The following PARD3B variants were observed in gnomAD, a reference collection of about 807,000 sequenced individuals.
The protein encoded by PARD3B is partitioning defective 3 homolog B.
A neutral mutation model predicts 130.2 loss-of-function variants in PARD3B; 103 were observed. That is an observed-to-expected ratio of 0.79 (90% CI 0.67 to 0.93). The LOEUF (loss-of-function observed/expected upper bound fraction) is 0.93, where lower values mean the gene tolerates loss of function less well. Among genes scored for constraint, PARD3B ranks in the 40% least tolerant of loss-of-function variants. PARD3B has a pLI of 0.00. For missense variants in PARD3B, 1,609 were observed against 1,499.2 expected (o/e 1.07, Z -1.21); for synonymous variants, 583 against 553.2 (o/e 1.05, Z -0.76).
At chr2:205,560,646 A>T (rs2053097332) in intron 22 of PARD3B, among the ~76,000 whole-genome samples, 2 of 152,208 alleles carry the variant, frequency 1.3e-5, no homozygotes, top group Non-Finnish European at 2.9e-5. Context: ...CCTGAGGCTG[A>T]TGAGGGACAA....
chr2:205,531,387 GGTCTAAACA>G (rs1395355732), intron 21 of PARD3B, among the ~76,000 whole-genome samples: 1 of 152,114 alleles, frequency 6.6e-6, no homozygotes, highest in Non-Finnish European at 1.5e-5. Flanking sequence ...TTGGAGCTGA[GGTCTAAACA>G]GTCTAAAGAA....
Position 205,280,596 on chromosome 2 carries a change from T to A in PARD3B, c.2186-19934T>A, listed in dbSNP as rs1263869860. Reference sequence around the variant, plus strand: ...TTCCGATGTCAGTTTTGTAAATAAGTATCTGTTGTCTCCCCAGATCAAGCT... The same window carrying A: ...TTCCGATGTCAGTTTTGTAAATAAGAATCTGTTGTCTCCCCAGATCAAGCT... On this transcript the variant is annotated intron_variant, in intron 16 of 22. Transcript: ENST00000406610. This position sits in a 1 kb window ranked among gnomAD's most constrained non-coding sequence, Gnocchi z 4.7. 1.3e-5 allele frequency among the ~76,000 whole-genome samples: 2 copies of A among 152,236 alleles called. No homozygotes were observed. Among genetic ancestry groups the A allele is most frequent in the Non-Finnish European group, 2.9e-5 (2 of 68,036 alleles).
intron 3 of PARD3B, among the ~76,000 whole-genome samples, chr2:205,046,092 A>G (rs1698757330): frequency 6.6e-6 from 1 of 152,158 alleles, no homozygotes; most frequent in South Asian, 2.1e-4. Flanking sequence ...TATTGCATTT[A>G]GACTGACTTG....
chr2:205,224,631 G>C (rs937879184), intron 15 of PARD3B, among the ~76,000 whole-genome samples: 1 of 132,478 alleles, frequency 7.5e-6, no homozygotes, highest in African/African-American at 2.8e-5. Flanking sequence ...GACTTCAGTT[G>C]TTTTAATTTT....
intron 10 of PARD3B, among the ~76,000 whole-genome samples, chr2:205,134,671 A>G (rs569208905): frequency 6.6e-6 from 1 of 152,336 alleles, no homozygotes; most frequent in Admixed American, 6.5e-5. Flanking sequence ...CCACAAGGCC[A>G]AGGGATTAAT....
intron 18 of PARD3B, among the ~76,000 whole-genome samples, chr2:205,328,642 G>A (rs953120149): frequency 6.6e-6 from 1 of 151,936 alleles, no homozygotes; most frequent in East Asian, 1.9e-4. Context: ...GTTCTTTTTC[G>A]ATTTTACTAC....
At chr2:205,143,084 A>C (rs532535251) in intron 10 of PARD3B, among the ~76,000 whole-genome samples, 17 of 152,276 alleles carry the variant, frequency 1.1e-4, no homozygotes, top group Admixed American at 3.3e-4. Flanking sequence ...ATTTTGAAAT[A>C]TTGTGCAAAG....
intron 1 of PARD3B, among the ~76,000 whole-genome samples, chr2:204,558,679 C>T (rs4645000): frequency 0.073 from 11,063 of 152,166 alleles, 1,327 homozygotes; most frequent in African/African-American, 0.25. Flanking sequence ...CTTCACAGAA[C>T]TGGAAAAAAC....
chr2:204,988,639 A>C (rs1171734601), intron 3 of PARD3B, among the ~76,000 whole-genome samples: 1 of 152,206 alleles, frequency 6.6e-6, no homozygotes, highest in Non-Finnish European at 1.5e-5. Flanking sequence ...AATAATTAAA[A>C]ATAAAAATAA....
chr2:205,439,242 T>C (rs931615925), intron 19 of PARD3B, among the ~76,000 whole-genome samples: 1 of 152,124 alleles, frequency 6.6e-6, no homozygotes, highest in African/African-American at 2.4e-5. Flanking sequence ...TACAGATCAT[T>C]CACTTCTAGC....
intron 3 of PARD3B, among the ~76,000 whole-genome samples, chr2:205,007,037 C>A (rs564253266): frequency 3.3e-5 from 5 of 152,238 alleles, no homozygotes; most frequent in African/African-American, 1.2e-4. Flanking sequence ...ATAATCCCCA[C>A]GTGTTGAGGG....
At chr2:205,130,910 T>C (rs147686199) in intron 10 of PARD3B, among the ~76,000 whole-genome samples, 1 of 152,310 alleles carries the variant, frequency 6.6e-6, no homozygotes, top group African/African-American at 2.4e-5. Flanking sequence ...GGAACCCTAC[T>C]TAACAGTTGC....
chr2:204,742,590 C>T (rs1450406657), intron 2 of PARD3B, among the ~76,000 whole-genome samples: 4 of 152,076 alleles, frequency 2.6e-5, no homozygotes, highest in Non-Finnish European at 5.9e-5. Flanking sequence ...TTGTTTTATT[C>T]CAGGGATAAT....
rs1214542381 is a variant in PARD3B, at chr2:205,473,646, T to TTA, written c.3045-26242_3045-26241dup. Among the ~76,000 whole-genome samples the TTA allele has an allele frequency of 2.3e-3, 305 of 133,660 alleles. 1 individual carries two copies. The highest frequency in any genetic ancestry group is 2.7e-3 in the Non-Finnish European group (175 of 64,302). 87.7% of individuals were successfully genotyped at this position (133,660 alleles called of 152,430 possible). Reference sequence around the variant, plus strand: ...TTCTTCTATGTTTCCCAATATAAGGTTATATATATGTGTGTGTGTGTGTGT... The same window carrying TTA: ...TTCTTCTATGTTTCCCAATATAAGGTTATATATATATGTGTGTGTGTGTGTGT... On this transcript the variant is annotated intron_variant, in intron 20 of 22. Transcript: ENST00000406610. This position sits in a 1 kb window ranked among gnomAD's most constrained non-coding sequence, Gnocchi z 4.9.
At chr2:205,151,624 G>A (rs1323869047) in intron 10 of PARD3B, among the ~76,000 whole-genome samples, 1 of 152,028 alleles carries the variant, frequency 6.6e-6, no homozygotes, top group Non-Finnish European at 1.5e-5. Context: ...TTTTCCATTT[G>A]CTTGGTAGAT....
intron 20 of PARD3B, among the ~76,000 whole-genome samples, chr2:205,496,532 T>G (rs1023083180): frequency 6.6e-6 from 1 of 152,174 alleles, no homozygotes; most frequent in African/African-American, 2.4e-5. Context: ...TCCATGACTT[T>G]CTGGGCTGTT....
chr2:205,428,667 C>G (rs1375904806), intron 19 of PARD3B, among the ~76,000 whole-genome samples: 1 of 151,902 alleles, frequency 6.6e-6, no homozygotes, highest in Non-Finnish European at 1.5e-5. Flanking sequence ...ATAATTATAT[C>G]AGTGTTAAGA....
intron 1 of PARD3B, among the ~76,000 whole-genome samples, chr2:204,681,887 G>A (rs2036851983): frequency 6.6e-6 from 1 of 152,142 alleles, no homozygotes; most frequent in Non-Finnish European, 1.5e-5. Context: ...CTAATTTCTG[G>A]TGCTTCAAAC....
At chr2:205,488,047 T>C (rs887805372) in intron 20 of PARD3B, among the ~76,000 whole-genome samples, 1 of 152,216 alleles carries the variant, frequency 6.6e-6, no homozygotes, top group Non-Finnish European at 1.5e-5. Context: ...TTAATCAATA[T>C]TTTGCTAATT....
Sources: allele counts gnomAD v4.1 joint callset (sites outside exome capture counted in the v4.1 genomes callset), GRCh38; gene constraint gnomAD v4.1.1; non-coding constraint Gnocchi (gnomAD v3.1); transcripts MANE v1.5; gene names NCBI Gene and HGNC (gene_info 2026-07-23, HGNC 2026-07-21).